The following NCALD variants were observed in gnomAD, a reference collection of about 807,000 sequenced individuals.
NCALD encodes the protein neurocalcin delta.
Under a neutral mutation model 18.6 loss-of-function variants are expected in NCALD, and 10 were observed. The observed-to-expected ratio is 0.54, with a 90% CI of 0.33 to 0.91. The LOEUF is 0.91. Among genes scored for constraint, NCALD ranks in the 40% least tolerant of loss-of-function variants. NCALD has a pLI of 0.03. For synonymous variants in NCALD, 88 were observed against 87.4 expected (o/e 1.01, Z -0.04); for missense variants, 184 against 247.6 (o/e 0.74, Z 1.72).
intron 3 of NCALD, among the ~76,000 whole-genome samples, chr8:101,891,663 G>A (rs1440310819): frequency 6.6e-6 from 1 of 152,256 alleles, no homozygotes; most frequent in Non-Finnish European, 1.5e-5. Context: ...CGTGCACCGA[G>A]TGCGAGCCGA....
intron 1 of NCALD, among the ~76,000 whole-genome samples, chr8:102,044,420 T>A (rs1471945434): frequency 1.3e-5 from 2 of 149,672 alleles, no homozygotes; most frequent in African/African-American, 5.1e-5. Flanking sequence ...GGTGAGGCCA[T>A]ATTTCATTCC....
At chr8:101,704,990 C>G (rs1815442171) in intron 2 of NCALD, among the ~76,000 whole-genome samples, 1 of 152,006 alleles carries the variant, frequency 6.6e-6, no homozygotes, top group Non-Finnish European at 1.5e-5. Flanking sequence ...CTTAGGGAGG[C>G]CGAGGTGGGC....
intron 4 of NCALD, among the ~76,000 whole-genome samples, chr8:101,846,868 G>C (rs1421108554): frequency 1.3e-5 from 2 of 152,070 alleles, no homozygotes; most frequent in Non-Finnish European, 2.9e-5. Context: ...ACTCTTCCAG[G>C]TACTCAACAC....
At chr8:101,787,685 T>A (rs1464752541) in intron 1 of NCALD, among the ~76,000 whole-genome samples, 3 of 152,162 alleles carry the variant, frequency 2.0e-5, no homozygotes, top group East Asian at 3.8e-4. Flanking sequence ...AAATATCCAA[T>A]AAGCCAAATA....
At chr8:101,770,507 T>C (rs747468486) in intron 1 of NCALD, among the ~76,000 whole-genome samples, 2 of 152,194 alleles carry the variant, frequency 1.3e-5, no homozygotes, top group Non-Finnish European at 2.9e-5. Context: ...AAATGACAGA[T>C]TGACTATGCA....
chr8:101,942,173 C>A (rs1818983735), intron 2 of NCALD, among the ~76,000 whole-genome samples: 1 of 152,162 alleles, frequency 6.6e-6, no homozygotes, highest in South Asian at 2.1e-4. Flanking sequence ...ATTCTCGGAA[C>A]TAGAACTCAT....
At chr8:101,754,943 C>G (rs1251942524) in intron 1 of NCALD, among the ~76,000 whole-genome samples, 3 of 152,254 alleles carry the variant, frequency 2.0e-5, no homozygotes, top group African/African-American at 7.2e-5. Context: ...GTACCTTACA[C>G]AAGGTCACTC....
intron 1 of NCALD, among the ~76,000 whole-genome samples, chr8:101,763,552 G>A (rs139759741): frequency 6.6e-6 from 1 of 152,276 alleles, no homozygotes; most frequent in East Asian, 1.9e-4. Flanking sequence ...TTGGGCCACA[G>A]GGTGTCGGAT....
chr8:101,738,771 T>C (rs1563716486), intron 1 of NCALD, among the ~76,000 whole-genome samples: 1 of 152,158 alleles, frequency 6.6e-6, no homozygotes. Flanking sequence ...CATACTTCTC[T>C]GTGCATCAGT....
intron 1 of NCALD, among the ~76,000 whole-genome samples, chr8:102,089,209 A>G (rs1041628038): frequency 2.0e-5 from 3 of 152,194 alleles, no homozygotes; most frequent in African/African-American, 7.2e-5. Flanking sequence ...CCTGGTTAAC[A>G]TGGTGAAACC....
chr8:101,809,184 T>C lies in NCALD; in HGVS notation c.-20+77957A>G, dbSNP rs112248423. 5.7e-3 allele frequency among the ~76,000 whole-genome samples: 870 copies of C among 152,306 alleles called. 11 individuals are homozygous for C. Among genetic ancestry groups the C allele is most frequent in the African/African-American group, 0.018 (765 of 41,556 alleles). On this transcript the variant is annotated intron_variant, in intron 4 of 6. Transcript: ENST00000311028. ...TAAATTAGTAAACTTTAATATTTGG[T>C]AATGTTCATGCAAAGACTGTTTAAA...
intron 3 of NCALD, among the ~76,000 whole-genome samples, chr8:101,892,015 C>T (rs12895827): frequency 0.067 from 10,217 of 152,162 alleles, 720 homozygotes; most frequent in African/African-American, 0.17. Context: ...CCCACCACAG[C>T]TCAAGGAGGC....
At chr8:101,887,303 C>A (rs1816711316) in intron 3 of NCALD, 1 of 152,154 alleles carries the variant, frequency 6.6e-6, no homozygotes, top group East Asian at 1.9e-4. Context: ...GAGACTGTCA[C>A]TTTTATTTCT....
intron 2 of NCALD, among the ~76,000 whole-genome samples, chr8:101,713,886 A>C (rs779572039): frequency 6.6e-6 from 1 of 152,232 alleles, no homozygotes; most frequent in Non-Finnish European, 1.5e-5. Context: ...TTCTGAAACT[A>C]TTCCAAACAA....
At chr8:102,076,850 G>A (rs1043911408) in intron 1 of NCALD, among the ~76,000 whole-genome samples, 1 of 152,190 alleles carries the variant, frequency 6.6e-6, no homozygotes, top group African/African-American at 2.4e-5. Flanking sequence ...ACTTGAAGTT[G>A]TTTTTCTAAT....
chr8:101,993,560 G>T (rs983290464), intron 2 of NCALD, among the ~76,000 whole-genome samples: 2 of 152,192 alleles, frequency 1.3e-5, no homozygotes, highest in Non-Finnish European at 2.9e-5. Context: ...GAAGTCCCAA[G>T]GATGGGAAGC....
chr8:102,041,988 G>A (rs1338129605), intron 1 of NCALD, among the ~76,000 whole-genome samples: 1 of 151,958 alleles, frequency 6.6e-6, no homozygotes, highest in Non-Finnish European at 1.5e-5. Context: ...TTGGGTAGAA[G>A]GTTTTTAAAA....
At chr8:102,078,098 C>T (rs576673572) in intron 1 of NCALD, among the ~76,000 whole-genome samples, 4 of 152,138 alleles carry the variant, frequency 2.6e-5, no homozygotes, top group Non-Finnish European at 5.9e-5. Flanking sequence ...CATCCTGACC[C>T]TTTCCCTGTC....
chr8:101,873,859 G>T (rs917491260), intron 4 of NCALD, among the ~76,000 whole-genome samples: 1 of 152,172 alleles, frequency 6.6e-6, no homozygotes, highest in African/African-American at 2.4e-5. Context: ...TTTCTGAATG[G>T]ATAAATCAAC....
Sources: gnomAD v4.1 joint callset for allele counts (sites outside exome capture counted in the v4.1 genomes callset) on GRCh38, gnomAD v4.1.1 for gene constraint, MANE v1.5 for transcripts, NCBI Gene and HGNC (gene_info 2026-07-23, HGNC 2026-07-21) for gene names.